DLG2: variants seen among roughly 807,000 people sequenced by gnomAD.
The protein encoded by DLG2 is discs large MAGUK scaffold protein 2.
DLG2 carries 45 observed loss-of-function variants against 132.5 expected under a neutral mutation model. The observed-to-expected ratio is 0.34, with a 90% CI of 0.27 to 0.44. The LOEUF is 0.44. Ranked by LOEUF, DLG2 falls within the 20% of genes least tolerant of loss-of-function variation. The pLI is 1.00. For synonymous variants in DLG2, 424 were observed against 419.6 expected (o/e 1.01, Z -0.13); for missense variants, 1,045 against 1,196.9 (o/e 0.87, Z 1.87).
At chr11:83,794,752 T>G (rs1486862369) in intron 17 of DLG2, among the ~76,000 whole-genome samples, 1 of 152,136 alleles carries the variant, frequency 6.6e-6, no homozygotes. Context: ...TACTCAAATT[T>G]ATATGGTGGA....
intron 3 of DLG2, among the ~76,000 whole-genome samples, chr11:85,535,056 C>G (rs1339199106): frequency 1.3e-5 from 2 of 152,062 alleles, no homozygotes; most frequent in Non-Finnish European, 1.5e-5. Context: ...TGGTATCTCA[C>G]TGTGGTTTTG....
intron 10 of DLG2, among the ~76,000 whole-genome samples, chr11:84,081,851 G>A (rs140379819): frequency 6.6e-6 from 1 of 152,280 alleles, no homozygotes; most frequent in East Asian, 1.9e-4. Context: ...GGATCGCTGG[G>A]TCAAATGGTA....
chr11:83,827,997 A>G (rs1488700495), intron 17 of DLG2, among the ~76,000 whole-genome samples: 5 of 152,148 alleles, frequency 3.3e-5, no homozygotes, highest in African/African-American at 1.2e-4. Flanking sequence ...CCAAGGTGAC[A>G]ATTTCTTTGT....
At chr11:84,093,030 C>T (rs577242173) in intron 10 of DLG2, among the ~76,000 whole-genome samples, 101 of 138,816 alleles carry the variant, frequency 7.3e-4, no homozygotes, top group Non-Finnish European at 1.1e-3. Flanking sequence ...AGTGAGTCTC[C>T]GTCAAAAAAA....
intron 9 of DLG2, among the ~76,000 whole-genome samples, chr11:84,124,995 C>A (rs1460705203): frequency 6.6e-6 from 1 of 151,828 alleles, no homozygotes; most frequent in African/African-American, 2.4e-5. Flanking sequence ...AGATTACAGG[C>A]ATGTGCCACC....
At chr11:85,018,449 T>A (rs1425122914) in intron 6 of DLG2, among the ~76,000 whole-genome samples, 1 of 147,630 alleles carries the variant, frequency 6.8e-6, no homozygotes, top group Non-Finnish European at 1.5e-5. Context: ...CTAAATAAAA[T>A]CAGTTAGAAA....
chr11:85,254,375 C>T (rs748482905), intron 4 of DLG2, among the ~76,000 whole-genome samples: 1 of 152,092 alleles, frequency 6.6e-6, no homozygotes, highest in Non-Finnish European at 1.5e-5. Context: ...CAAAAATATA[C>T]ACACTTACCT....
At chr11:84,863,805 T>C (rs1359886625) in intron 6 of DLG2, among the ~76,000 whole-genome samples, 1 of 152,178 alleles carries the variant, frequency 6.6e-6, no homozygotes, top group Non-Finnish European at 1.5e-5. Flanking sequence ...GGATTTGCAG[T>C]GCACTGAGGA....
At chr11:84,854,681 A>G (rs2082552541) in intron 6 of DLG2, among the ~76,000 whole-genome samples, 1 of 151,980 alleles carries the variant, frequency 6.6e-6, no homozygotes, top group Non-Finnish European at 1.5e-5. Context: ...TGATTTATAC[A>G]TTCCTGTTTC....
intron 4 of DLG2, among the ~76,000 whole-genome samples, chr11:85,266,986 T>C (rs1183454130): frequency 6.6e-6 from 1 of 152,202 alleles, no homozygotes; most frequent in Non-Finnish European, 1.5e-5. Flanking sequence ...TCAAACTCAG[T>C]GGACTTCCTC....
At chr11:84,617,212 C>G (rs977566039) in intron 6 of DLG2, among the ~76,000 whole-genome samples, 3 of 151,406 alleles carry the variant, frequency 2.0e-5, no homozygotes, top group Admixed American at 1.3e-4. Flanking sequence ...TCAACTCCAA[C>G]TTATGAGTGA....
At chr11:85,001,858 A>G (rs1003268811) in intron 6 of DLG2, among the ~76,000 whole-genome samples, 1 of 152,200 alleles carries the variant, frequency 6.6e-6, no homozygotes, top group African/African-American at 2.4e-5. Flanking sequence ...GACAAGGAGT[A>G]TATGGGAAAT....
chr11:85,346,442 C>T (rs1177643446), intron 3 of DLG2, among the ~76,000 whole-genome samples: 1 of 152,056 alleles, frequency 6.6e-6, no homozygotes, highest in Non-Finnish European at 1.5e-5. Flanking sequence ...CCCGCCTCGG[C>T]CTCCCACAGT....
Position 85,006,800 on chromosome 11 carries a change from A to T in DLG2, c.357+104861T>A, listed in dbSNP as rs867310341. 5.3e-5 allele frequency among the ~76,000 whole-genome samples: 8 copies of T among 151,882 alleles called. No homozygotes were observed. The South Asian group carries it at 1.7e-3, about 31-fold the overall frequency. The stretch of plus-strand genomic sequence containing the variant: ...TGAGTTTGTTTACCCTTGCTTCTGT[A>T]GTTCTTTTTAATTGTGATGTTAGGG... On this transcript the variant is annotated intron_variant, in intron 6 of 27. Coordinates refer to ENST00000376104, the MANE Select transcript of DLG2 (RefSeq NM_001142699.3).
chr11:85,371,322 C>T (rs763656947), intron 3 of DLG2, among the ~76,000 whole-genome samples: 10 of 152,184 alleles, frequency 6.6e-5, no homozygotes, highest in Non-Finnish European at 1.5e-4. Flanking sequence ...TTTTCAGAGT[C>T]AAGGAAACTT....
chr11:84,934,504 G>GTTTTT lies in DLG2; in HGVS notation c.357+177152_357+177156dup, dbSNP rs113436905. ...TCTGTGAATCTGTATGGTCCTGGGT[G>GTTTTT]TTTTTTTTTTGTTTTGTTTTGTTTT... On this transcript the variant is annotated intron_variant, in intron 6 of 27. Coordinates refer to ENST00000376104, the MANE Select transcript of DLG2 (RefSeq NM_001142699.3). Among the ~76,000 whole-genome samples the GTTTTT allele has an allele frequency of 8.4e-3, 282 of 33,724 alleles. 40 individuals are homozygous for GTTTTT. The highest frequency in any genetic ancestry group is 0.011 in the Non-Finnish European group (216 of 19,954). The allele number at this position is 33,724 out of a possible 152,430, so 22.1% of individuals were successfully genotyped here. A position where few individuals can be genotyped will look rare whatever the true frequency, so the allele number is the denominator to read the frequency against.
At chr11:84,393,575 G>T (rs7118287) in intron 7 of DLG2, among the ~76,000 whole-genome samples, 59,317 of 151,988 alleles carry the variant, frequency 0.39, 16,499 homozygotes, top group African/African-American at 0.8. Context: ...ATTGTGAGAT[G>T]CAGCTATCTA....
intron 18 of DLG2, among the ~76,000 whole-genome samples, chr11:83,657,696 G>T (rs1421960838): frequency 6.6e-6 from 1 of 151,884 alleles, no homozygotes; most frequent in African/African-American, 2.4e-5. Flanking sequence ...CCGCCACCAT[G>T]CCTGGCTAAT....
chr11:85,461,336 A>C (rs2092605495), intron 3 of DLG2, among the ~76,000 whole-genome samples: 1 of 152,236 alleles, frequency 6.6e-6, no homozygotes, highest in Non-Finnish European at 1.5e-5. Context: ...AATACAGTTG[A>C]GGGAGAAAAT....
Sources: gnomAD v4.1 joint callset for allele counts (sites outside exome capture counted in the v4.1 genomes callset) on GRCh38, gnomAD v4.1.1 for gene constraint, MANE v1.5 for transcripts, NCBI Gene and HGNC (gene_info 2026-07-23, HGNC 2026-07-21) for gene names.